The following CDH5 variants were observed in gnomAD, a reference collection of about 807,000 sequenced individuals.
The protein encoded by CDH5 is cadherin-5.
In CDH5, 28 loss-of-function variants were observed where a neutral mutation model predicts 62.0. The observed-to-expected ratio is 0.45, with a 90% CI of 0.33 to 0.62. CDH5 has a LOEUF of 0.62. Among genes scored for constraint, CDH5 ranks in the 20% least tolerant of loss-of-function variants. The pLI is 0.02. For missense variants in CDH5, 940 were observed against 1,065.1 expected (o/e 0.88, Z 1.63); for synonymous variants, 464 against 445.8 (o/e 1.04, Z -0.52).
intron 7 of CDH5, chr16:66,392,737 G>A (rs1402084480): frequency 2.1e-5 from 5 of 237,518 alleles, no homozygotes; most frequent in Non-Finnish European, 4.1e-5. Flanking sequence ...CACTAAAACT[G>A]TATTCTTGAA....
At chr16:66,371,310 C>T (rs1253334843) in intron 1 of CDH5, among the ~76,000 whole-genome samples, 2 of 152,138 alleles carry the variant, frequency 1.3e-5, no homozygotes, top group African/African-American at 4.8e-5. Flanking sequence ...GGGCCACACA[C>T]GGAGCTGGGT....
In CDH5 at chr16:66,390,663, A is replaced by T. The variant is rs1043167717; in HGVS notation, c.969+73A>T. 3.5e-6 allele frequency: 5 copies of T among 1,422,880 alleles called. No homozygotes were observed. The South Asian group carries it at 5.0e-5, about 14-fold the overall frequency. 88.1% of individuals were successfully genotyped at this position (1,422,880 alleles called of 1,614,324 possible). On this transcript the variant is annotated intron_variant, in intron 6 of 11. Coordinates refer to ENST00000341529, the MANE Select transcript of CDH5 (RefSeq NM_001795.5). ...TGGCACCCACAGGTCCTGCTTGGGG[A>T]TTGCTCCTGGGCCAGAGACCATCAA...
intron 1 of CDH5, among the ~76,000 whole-genome samples, chr16:66,367,658 T>G (rs1410948415): frequency 6.6e-6 from 1 of 152,136 alleles, no homozygotes; most frequent in Non-Finnish European, 1.5e-5. Context: ...GCTCATTATT[T>G]TACCATTAAC....
chr16:66,397,151 G>A (rs1961199699), intron 8 of CDH5, among the ~76,000 whole-genome samples: 1 of 152,074 alleles, frequency 6.6e-6, no homozygotes. Flanking sequence ...GTTTGTGTAA[G>A]ATATTATATT....
rs750004279 is a variant in CDH5, at chr16:66,403,195, G to A, written c.*26G>A. On this transcript the variant is annotated 3_prime_UTR_variant, in exon 12 of 12. Coordinates refer to ENST00000341529, the MANE Select transcript of CDH5 (RefSeq NM_001795.5). This position sits in a 1 kb window ranked among gnomAD's most constrained non-coding sequence, Gnocchi z 4.3. ...GCGGCCGAGGTCACTCTGGGCCTGG[G>A]GACCCAAACCCCCTGCAGCCCAGGC... The A allele has an allele frequency of 6.3e-6, 10 of 1,586,044 alleles. No homozygotes were observed. In the African/African-American group the frequency reaches 6.7e-5, roughly 11 times the overall value.
At position 66,389,500 on chromosome 16, in the gene CDH5, C is replaced by A; in HGVS notation, c.759C>A (p.Asp253Glu). 6.3e-7 allele frequency: 1 copy of A among 1,598,900 alleles called. No individual in the cohort carries two copies. Among genetic ancestry groups the A allele is most frequent in the Non-Finnish European group, 8.6e-7 (1 of 1,169,540 alleles). ...TVLVTLQDINDNFPFFTQTKY... is the reference protein window; with the variant it reads ...TVLVTLQDINENFPFFTQTKY... ...TGGTCACTCTGCAAGACATCAATGA[C>A]AACTTCCCCTTCTTCACCCAGAGTG... The change falls in exon 5 of 12, where the codon GAC (aspartate) becomes GAA (glutamate). Residue 253 changes from aspartate to glutamate, a missense_variant. Physicochemically the swap from Asp to Glu is conservative, Grantham distance 45. Transcript: ENST00000341529.
rs768164275 is a variant in CDH5 at position 66,402,898 on chromosome 16, C to A, written c.2084C>A (p.Ala695Glu). 3 of 1,611,298 alleles carry A rather than the reference C, an allele frequency of 1.9e-6. No individual in the cohort carries two copies. The highest frequency in any genetic ancestry group is 2.5e-6 in the Non-Finnish European group (3 of 1,179,598). The change falls in exon 12 of 12, where the codon GCG becomes GAG. Residue 695 changes from alanine to glutamate, a missense_variant. By Grantham distance (107) the Ala-to-Glu change is moderately radical. Coordinates refer to ENST00000341529, the MANE Select transcript of CDH5 (RefSeq NM_001795.5). ...CAGGTGCAGAAGCCACCGAGGCACG[C>A]GCCTGGGGCACACGGAGGGCCCGGG... is the stretch of plus-strand genomic sequence containing the variant. Reference protein sequence around the residue: ...YAQVQKPPRHAPGAHGGPGEM... With the variant: ...YAQVQKPPRHEPGAHGGPGEM...
At chr16:66,395,920 G>GTT in intron 7 of CDH5, 139 bp from the exon 8 acceptor site, 1 of 762,784 alleles carries the variant, frequency 1.3e-6, no homozygotes. Flanking sequence ...TGTCTGAGTG[G>GTT]CAGAGTGCAA....
intron 3 of CDH5, 62 bp downstream of exon 3, chr16:66,387,159 A>C: frequency 7.4e-6 from 11 of 1,488,416 alleles, no homozygotes; most frequent in Non-Finnish European, 1.0e-5. Context: ...GGCACCTCTC[A>C]CATCAGCCAC....
chr16:66,372,613 G>A (rs570905200), intron 1 of CDH5, among the ~76,000 whole-genome samples: 40 of 152,266 alleles, frequency 2.6e-4, no homozygotes, highest in Non-Finnish European at 5.6e-4. Context: ...CTCAGCCTTC[G>A]GAGGACCCCT....
intron 1 of CDH5, among the ~76,000 whole-genome samples, chr16:66,375,581 C>T (rs115790021): frequency 0.016 from 2,470 of 151,900 alleles, 71 homozygotes; most frequent in African/African-American, 0.055. Context: ...AAAAATGGTA[C>T]ACCTCTCTAT....
chr16:66,386,826 T>C lies in CDH5; in HGVS notation c.228T>C (p.Ser76=), dbSNP rs771180576. The C allele has an allele frequency of 3.7e-5, 60 of 1,610,536 alleles. No homozygotes were observed. The Middle Eastern group carries it at 4.9e-4, about 13-fold the overall frequency. ...HHVGKIKSSV[S]RKNAKYLLKG... is the part of the protein sequence containing the mutation. ...TTTTCTAGATCAAGTCAAGCGTGAG[T>C]CGCAAGAATGCCAAGTACCTGCTCA... The change falls in exon 3 of 12, where the codon AGT becomes AGC. Residue 76 remains serine, a synonymous_variant. Transcript: ENST00000341529.
At chr16:66,399,072 G>A (rs368970332) in intron 10 of CDH5, among the ~76,000 whole-genome samples, 17 of 152,178 alleles carry the variant, frequency 1.1e-4, no homozygotes, top group African/African-American at 3.9e-4. Context: ...CAGCAAAACT[G>A]CACATTAAAC....
chr16:66,381,449 C>T (rs1221530130), intron 2 of CDH5, among the ~76,000 whole-genome samples: 9 of 152,194 alleles, frequency 5.9e-5, no homozygotes, highest in African/African-American at 2.2e-4. Flanking sequence ...AAAGGAATGG[C>T]CCTAGTAGTG....
At chr16:66,369,414 G>T (rs906560139) in intron 1 of CDH5, among the ~76,000 whole-genome samples, 6 of 152,164 alleles carry the variant, frequency 3.9e-5, no homozygotes, top group Non-Finnish European at 7.3e-5. Flanking sequence ...TTGCACCCAT[G>T]ATCTCATTTA....
At chr16:66,387,205 GTAGTGA>G (rs1221851753) in intron 3 of CDH5, 108 bp downstream of exon 3, 15 of 1,037,308 alleles carry the variant, frequency 1.4e-5, no homozygotes, top group Non-Finnish European at 1.8e-5. Context: ...TGAGTTCAGG[GTAGTGA>G]TTGTAATGCC....
At chr16:66,402,571 G>A (rs1961304413) in intron 11 of CDH5, 81 bp from the exon 12 acceptor site, 2 of 1,264,826 alleles carry the variant, frequency 1.6e-6, no homozygotes, top group South Asian at 1.6e-5. Context: ...GGGGTTGCAG[G>A]GGGCAGTGGG....
At chr16:66,377,839 C>G (rs191077191) in intron 1 of CDH5, 5 of 152,340 alleles carry the variant, frequency 3.3e-5, no homozygotes, top group Admixed American at 3.3e-4. Context: ...GAGAAAACCC[C>G]TGTTCCTGGA....
At position 66,389,500 on chromosome 16, in the gene CDH5, C is replaced by T; in HGVS notation, c.759C>T (p.Asp253=). 6.3e-7 allele frequency: 1 copy of T among 1,598,902 alleles called. No homozygotes were observed. Among genetic ancestry groups the T allele is most frequent in the Non-Finnish European group, 8.6e-7 (1 of 1,169,542 alleles). ...TGGTCACTCTGCAAGACATCAATGA[C>T]AACTTCCCCTTCTTCACCCAGAGTG... ...TVLVTLQDIN[D]NFPFFTQTKY... Residue 253 remains aspartate (D), a synonymous_variant, in exon 5 of 12, where the codon GAC becomes GAT. Transcript: ENST00000341529.
Sources: gnomAD v4.1 joint callset for allele counts (sites outside exome capture counted in the v4.1 genomes callset) on GRCh38, gnomAD v4.1.1 for gene constraint, Gnocchi (gnomAD v3.1) non-coding constraint, MANE v1.5 for transcripts, NCBI Gene and HGNC (gene_info 2026-07-23, HGNC 2026-07-21) for gene names.